Variants in RAI14 observed in about 807,000 individuals in gnomAD.
RAI14 encodes the protein retinoic acid induced 14.
A neutral mutation model predicts 115.4 loss-of-function variants in RAI14; 45 were observed. That is an observed-to-expected ratio of 0.39 (90% confidence interval 0.31 to 0.50). RAI14 has a LOEUF of 0.50. Among genes scored for constraint, RAI14 ranks in the 20% least tolerant of loss-of-function variants. The pLI is 0.85. For synonymous variants in RAI14, 371 were observed against 415.4 expected (o/e 0.89, Z 1.30); for missense variants, 939 against 1,131.2 (o/e 0.83, Z 2.44).
rs1738768912 is a variant in RAI14 at position 34,692,596 on chromosome 5, T to A, written c.36+5641T>A. Among the ~76,000 whole-genome samples the A allele has an allele frequency of 2.0e-5, 3 of 150,848 alleles. No individual in the cohort carries two copies. In the South Asian group the frequency reaches 6.2e-4, roughly 31 times the overall value. On this transcript the variant is annotated intron_variant, in intron 2 of 17. Transcript: ENST00000265109. ...TAGACATAGGAACTATGGCCAAATC[T>A]ATTTTAAGCTAAGCCTTTTTTTTTT...
At chr5:34,703,197 T>G (rs1740291391) in intron 2 of RAI14, among the ~76,000 whole-genome samples, 1 of 152,064 alleles carries the variant, frequency 6.6e-6, no homozygotes, top group Non-Finnish European at 1.5e-5. Flanking sequence ...TGGAGAGAAA[T>G]TCAAGTTACA....
chr5:34,777,945 T>C (rs1184613439), intron 3 of RAI14, among the ~76,000 whole-genome samples: 1 of 152,120 alleles, frequency 6.6e-6, no homozygotes, highest in African/African-American at 2.4e-5. Context: ...TTAGATAGAC[T>C]AGGGTGACTA....
At chr5:34,727,927 G>A (rs1341165921) in intron 2 of RAI14, among the ~76,000 whole-genome samples, 1 of 152,168 alleles carries the variant, frequency 6.6e-6, no homozygotes, top group Non-Finnish European at 1.5e-5. Context: ...GGAGCTGTGA[G>A]AAGAAGGCCA....
intron 16 of RAI14, among the ~76,000 whole-genome samples, chr5:34,828,899 C>G (rs1757723676): frequency 6.6e-6 from 1 of 151,968 alleles, no homozygotes; most frequent in Admixed American, 6.6e-5. Flanking sequence ...AGTGGGTAAT[C>G]AATAATTCCC....
At chr5:34,739,382 A>G (rs1332497881) in intron 2 of RAI14, among the ~76,000 whole-genome samples, 1 of 152,152 alleles carries the variant, frequency 6.6e-6, no homozygotes, top group Non-Finnish European at 1.5e-5. Flanking sequence ...GCACTATATT[A>G]TACTGCATTT....
intron 2 of RAI14, among the ~76,000 whole-genome samples, chr5:34,701,323 G>A (rs1023921564): frequency 2.0e-5 from 3 of 151,988 alleles, no homozygotes; most frequent in Admixed American, 2.0e-4. Flanking sequence ...CCTTCTTTGT[G>A]GGGGGAAAAT....
At chr5:34,747,930 C>T (rs916906097) in intron 2 of RAI14, among the ~76,000 whole-genome samples, 2 of 152,134 alleles carry the variant, frequency 1.3e-5, no homozygotes, top group East Asian at 1.9e-4. Flanking sequence ...TTTACAGATA[C>T]TTTGGAAATA....
intron 2 of RAI14, among the ~76,000 whole-genome samples, chr5:34,750,327 G>T (rs1746812226): frequency 6.6e-6 from 1 of 152,104 alleles, no homozygotes; most frequent in African/African-American, 2.4e-5. Context: ...GGGCTGGGTG[G>T]GGGTAGATAT....
chr5:34,680,799 T>C (rs1173432523), intron 1 of RAI14, among the ~76,000 whole-genome samples: 1 of 152,246 alleles, frequency 6.6e-6, no homozygotes, highest in Non-Finnish European at 1.5e-5. Flanking sequence ...TCTCACTCTT[T>C]GAATTTCTAC....
intron 2 of RAI14, among the ~76,000 whole-genome samples, chr5:34,727,577 C>T (rs1743628093): frequency 6.6e-6 from 1 of 152,172 alleles, no homozygotes; most frequent in South Asian, 2.1e-4. Context: ...CTGGGGCCCC[C>T]TTGCTGTGTG....
rs1170197265 is a variant in RAI14, at chr5:34,750,360, G to A, written c.37-7108G>A. Among the ~76,000 whole-genome samples the A allele has an allele frequency of 3.9e-5, 6 of 152,260 alleles. No homozygotes were observed. The East Asian group carries it at 1.2e-3, about 29-fold the overall frequency. ...TATTTAGGCCAGAAATCATATGCAA[G>A]TTTTTGTGTGGATGTGCATTATTCT... On this transcript the variant is annotated intron_variant, in intron 2 of 17. Coordinates refer to ENST00000265109, the MANE Select transcript of RAI14 (RefSeq NM_015577.3).
chr5:34,710,686 A>G (rs1014172674), intron 2 of RAI14, among the ~76,000 whole-genome samples: 3 of 152,132 alleles, frequency 2.0e-5, no homozygotes, highest in East Asian at 1.9e-4. Context: ...TCTGGGTAGA[A>G]CCAGGGAGCT....
chr5:34,791,745 A>C lies in RAI14; in HGVS notation c.168-4194A>C, dbSNP rs1270896475. On this transcript the variant is annotated intron_variant, in intron 3 of 17. Transcript: ENST00000265109. The surrounding 1 kb of genome is among the most constrained non-coding windows in gnomAD (Gnocchi z 5.4). ...GTTGGGAATGCCGCCCAGGATTCTA[A>C]CAAGAGTGAGAATCTATTTCTACTC... Among the ~76,000 whole-genome samples the C allele has an allele frequency of 6.6e-6, 1 of 152,232 alleles. No homozygotes were observed. Among genetic ancestry groups the C allele is most frequent in the African/African-American group, 2.4e-5 (1 of 41,456 alleles).
chr5:34,757,701 C>T, intron 3 of RAI14, 103 bp downstream of exon 3: 1 of 1,374,740 alleles, frequency 7.3e-7, no homozygotes, highest in Non-Finnish European at 9.7e-7. Flanking sequence ...GCTCCCTCTC[C>T]ACTCCCATGT....
In RAI14 at chr5:34,757,570, A is replaced by G; in HGVS notation, c.139A>G (p.Thr47Ala). ...SLLGKKGASA[T>A]KHDSEGKTAF... ...GCTCGGCAAGAAGGGGGCCAGTGCC[A>G]CCAAACACGACAGTGAGGGCAAGAC... The change falls in exon 3 of 18, where the codon ACC becomes GCC. Residue 47 changes from threonine (T) to alanine (A), a missense_variant. By Grantham distance (58) the Thr-to-Ala change is moderately conservative. Transcript: ENST00000265109. 1 of 1,613,548 alleles carries G rather than the reference A, an allele frequency of 6.2e-7. No individual in the cohort carries two copies. Among genetic ancestry groups the G allele is most frequent in the Non-Finnish European group, 8.5e-7 (1 of 1,179,852 alleles).
At chr5:34,738,992 CG>C (rs2150041868) in intron 2 of RAI14, among the ~76,000 whole-genome samples, 1 of 152,174 alleles carries the variant, frequency 6.6e-6, no homozygotes, top group East Asian at 1.9e-4. Context: ...ATACAGCCTG[CG>C]GTATATCTCA....
chr5:34,687,184 G>A (rs1336665380), intron 2 of RAI14, among the ~76,000 whole-genome samples: 5 of 151,992 alleles, frequency 3.3e-5, no homozygotes, highest in African/African-American at 1.2e-4. Context: ...TTAATTTTGG[G>A]GATCTGTGCC....
At chr5:34,738,780 C>G (rs1745161978) in intron 2 of RAI14, among the ~76,000 whole-genome samples, 1 of 152,170 alleles carries the variant, frequency 6.6e-6, no homozygotes, top group Non-Finnish European at 1.5e-5. Flanking sequence ...AAATTTCTAG[C>G]TTGAGGATAC....
chr5:34,733,603 C>T (rs944029517), intron 2 of RAI14, among the ~76,000 whole-genome samples: 3 of 152,138 alleles, frequency 2.0e-5, no homozygotes, highest in African/African-American at 7.2e-5. Context: ...GCATCTGGAC[C>T]CTTCTCTAAA....
Sources: allele counts gnomAD v4.1 joint callset (sites outside exome capture counted in the v4.1 genomes callset), GRCh38; gene constraint gnomAD v4.1.1; non-coding constraint Gnocchi (gnomAD v3.1); transcripts MANE v1.5; gene names NCBI Gene and HGNC (gene_info 2026-07-23, HGNC 2026-07-21).